GGT7: variants seen among roughly 807,000 people sequenced by gnomAD.
GGT7 encodes gamma-glutamyltransferase 7, also known as glutathione hydrolase 7.
In GGT7, 30 loss-of-function variants were observed where a neutral mutation model predicts 69.2. The ratio of observed to expected loss-of-function variants is 0.43; its 90% CI spans 0.32 to 0.59. The LOEUF is 0.59. Among genes scored for constraint, GGT7 ranks in the 20% least tolerant of loss-of-function variants. GGT7 has a pLI of 0.05. For synonymous variants in GGT7, 388 were observed against 391.8 expected, an observed-to-expected ratio of 0.99 and a Z score of 0.12; for missense variants, 733 against 901.1, an observed-to-expected ratio of 0.81 and a Z score of 2.39.
chr20:34,868,233 C>T (rs2079724903), intron 1 of GGT7, among the ~76,000 whole-genome samples: 1 of 152,276 alleles, frequency 6.6e-6, no homozygotes, highest in African/African-American at 2.4e-5. Flanking sequence ...TGACATGTCC[C>T]TATCATAGCT....
intron 1 of GGT7, among the ~76,000 whole-genome samples, chr20:34,868,869 A>G (rs1285305037): frequency 6.6e-6 from 1 of 152,214 alleles, no homozygotes; most frequent in Non-Finnish European, 1.5e-5. Flanking sequence ...CTGCCAATGA[A>G]GCCCACCAAA....
chr20:34,861,169 A>G (rs57862881), intron 4 of GGT7, among the ~76,000 whole-genome samples: 3 of 152,134 alleles, frequency 2.0e-5, no homozygotes, highest in Non-Finnish European at 4.4e-5. Flanking sequence ...TGTGAGTTTC[A>G]TTGCATCAAC....
intron 1 of GGT7, among the ~76,000 whole-genome samples, chr20:34,867,308 TTCC>T (rs1347386521): frequency 1.3e-5 from 2 of 152,234 alleles, no homozygotes; most frequent in African/African-American, 4.8e-5. Flanking sequence ...TTTACATATA[TTCC>T]TTTATTGAAG....
chr20:34,864,031 C>T (rs1022202095), intron 1 of GGT7, among the ~76,000 whole-genome samples: 8 of 152,128 alleles, frequency 5.3e-5, no homozygotes, highest in African/African-American at 1.7e-4. Context: ...TGCCAGGGGA[C>T]GGGAACAGAT....
intron 14 of GGT7, 76 bp downstream of exon 14, chr20:34,849,885 C>CAT: frequency 1.2e-6 from 1 of 815,434 alleles, no homozygotes; most frequent in Non-Finnish European, 2.0e-6. Flanking sequence ...CTGGTTGAGG[C>CAT]ATGGGCACCC....
chr20:34,852,332 A>G, intron 11 of GGT7, 57 bp downstream of exon 11: 2 of 1,545,950 alleles, frequency 1.3e-6, no homozygotes, highest in South Asian at 2.2e-5. Flanking sequence ...CCCAGCCCCC[A>G]CCCCCTCTTG....
chr20:34,860,750 A>C (rs1325413855), intron 4 of GGT7, among the ~76,000 whole-genome samples: 1 of 147,574 alleles, frequency 6.8e-6, no homozygotes, highest in Non-Finnish European at 1.5e-5. Context: ...TCCTTGGTGC[A>C]TGCTACTGTG....
At chr20:34,861,414 C>T (rs759688286) in intron 4 of GGT7, 31 bp downstream of exon 4, 7 of 1,157,448 alleles carry the variant, frequency 6.0e-6, no homozygotes, top group Non-Finnish European at 8.8e-6. Flanking sequence ...AGAGACTCCC[C>T]TGAACTCTCT....
chr20:34,858,378 C>T (rs2079529394), intron 7 of GGT7, among the ~76,000 whole-genome samples: 1 of 152,184 alleles, frequency 6.6e-6, no homozygotes, highest in Non-Finnish European at 1.5e-5. Flanking sequence ...ATCTCCTGGA[C>T]TTTCCAGTTA....
chr20:34,868,492 GCTGT>G (rs2079729048), intron 1 of GGT7, among the ~76,000 whole-genome samples: 1 of 152,310 alleles, frequency 6.6e-6, no homozygotes, highest in African/African-American at 2.4e-5. Context: ...ACCATAAGAA[GCTGT>G]CTGGAGGCAG....
At chr20:34,868,359 A>G (rs1017729463) in intron 1 of GGT7, among the ~76,000 whole-genome samples, 3 of 152,220 alleles carry the variant, frequency 2.0e-5, no homozygotes, top group Admixed American at 2.0e-4. Flanking sequence ...AACAGTGTTG[A>G]TTTTACTGAT....
intron 3 of GGT7, among the ~76,000 whole-genome samples, 181 bp downstream of exon 3, chr20:34,862,633 G>A (rs1306465194): frequency 2.0e-5 from 3 of 151,554 alleles, no homozygotes; most frequent in African/African-American, 7.3e-5. Context: ...TTTCCATAAG[G>A]TAGCTTTGCT....
chr20:34,871,329 C>T (rs775060543), intron 1 of GGT7, among the ~76,000 whole-genome samples: 82 of 152,082 alleles, frequency 5.4e-4, no homozygotes, highest in Non-Finnish European at 1.2e-3. Flanking sequence ...TGCCTGTTGT[C>T]GCTTGGTGAG....
chr20:34,852,318 T>G lies in GGT7; in HGVS notation c.1470-46A>C, dbSNP rs753913102. The G allele has an allele frequency of 4.4e-6, 7 of 1,606,234 alleles. No individual in the cohort carries two copies. In the East Asian group the frequency reaches 1.1e-4, roughly 26 times the overall value. On this transcript the variant is annotated intron_variant, in intron 11 of 14. Transcript: ENST00000336431. ...GGGTGAGCCCTGGCCCATCCTCACC[T>G]CTACCCAGCCCCCACCCCCTCTTGG...
intron 5 of GGT7, 47 bp downstream of exon 5, chr20:34,860,207 G>A (rs763460437): frequency 3.6e-5 from 51 of 1,401,190 alleles, no homozygotes; most frequent in Non-Finnish European, 4.8e-5. Flanking sequence ...GCCACCCAAG[G>A]AGAGATGCAA....
rs765891896 is a variant in GGT7, at chr20:34,854,596, C to G, written c.1254G>C (p.Leu418=). Residue 418 remains leucine (L), a synonymous_variant, in exon 10 of 15, where the codon CTG becomes CTC. Transcript: ENST00000336431. The stretch of plus-strand genomic sequence containing the variant: ...AGACGGGATCTCCCAGTCTGCTGGC[C>G]AGGGCTAATGCAATCTTCAGGGTCT... ...VAETLKIALA[L]ASRLGDPVYD... 22 of 1,612,926 alleles carry G rather than the reference C, an allele frequency of 1.4e-5. No homozygotes were observed. Among genetic ancestry groups the G allele is most frequent in the Non-Finnish European group, 1.8e-5 (21 of 1,179,092 alleles).
At position 34,850,171 on chromosome 20, in the gene GGT7, G is replaced by A. The variant is rs531378208; in HGVS notation, c.1726-111C>T. 6.8e-5 allele frequency: 56 copies of A among 819,592 alleles called. No homozygotes were observed. In the African/African-American group the frequency reaches 7.7e-4, roughly 11 times the overall value. 50.8% of individuals were successfully genotyped at this position (819,592 alleles called of 1,614,324 possible). A position where few individuals can be genotyped will look rare whatever the true frequency, so the allele number is the denominator to read the frequency against. ...CCTTAGTCTTGAGAATTCTTACACC[G>A]GGTGTCATCTGAGCCTCCTAACAGC... On this transcript the variant is annotated intron_variant, in intron 13 of 14. Transcript: ENST00000336431.
intron 10 of GGT7, 85 bp from the exon 11 acceptor site, chr20:34,852,623 T>A (rs1601222124): frequency 7.6e-7 from 1 of 1,323,280 alleles, no homozygotes; most frequent in Non-Finnish European, 1.0e-6. Flanking sequence ...TTTGTGTAAT[T>A]ATTTGATGAA....
In GGT7 at chr20:34,860,287, T is replaced by C; in HGVS notation, c.710A>G (p.Lys237Arg). 6.2e-7 allele frequency: 1 copy of C among 1,613,808 alleles called. No individual in the cohort carries two copies. Among genetic ancestry groups the C allele is most frequent in the Non-Finnish European group, 8.5e-7 (1 of 1,179,876 alleles). Reference sequence around the variant, plus strand: ...GAGCTGGTGAGCTTCATGTAGCCCCTTCACCATTCCGGGAACCCCCACCAA... The same window carrying C: ...GAGCTGGTGAGCTTCATGTAGCCCCCTCACCATTCCGGGAACCCCCACCAA... ...GLLVGVPGMVKGLHEAHQLYG... is the reference protein window; with the variant it reads ...GLLVGVPGMVRGLHEAHQLYG... The change falls in exon 5 of 15, where the codon AAG (lysine) becomes AGG (arginine). Residue 237 changes from lysine to arginine, a missense_variant. By Grantham distance (26) the Lys-to-Arg change is conservative (BLOSUM62 2). Transcript: ENST00000336431.
Sources: gnomAD v4.1 joint callset for allele counts (sites outside exome capture counted in the v4.1 genomes callset) on GRCh38, gnomAD v4.1.1 for gene constraint, MANE v1.5 for transcripts, NCBI Gene and HGNC (gene_info 2026-07-23, HGNC 2026-07-21) for gene names.